Variants in FAM168A observed in about 807,000 individuals in gnomAD.
The protein encoded by FAM168A is protein FAM168A.
FAM168A carries 3 observed loss-of-function variants against 28.5 expected under a neutral mutation model. The ratio of observed to expected loss-of-function variants is 0.11; its 90% CI spans 0.05 to 0.27. The LOEUF is 0.27. FAM168A is among the 10% of genes least tolerant of loss of function. The pLI, the probability that FAM168A is intolerant of heterozygous loss-of-function variation, is 1.00. For synonymous variants in FAM168A, 122 were observed against 124.2 expected (o/e 0.98, Z 0.12); for missense variants, 222 against 311.5 (o/e 0.71, Z 2.16).
intron 1 of FAM168A, among the ~76,000 whole-genome samples, chr11:73,591,684 G>GT (rs1338696911): frequency 1.3e-5 from 2 of 152,064 alleles, no homozygotes; most frequent in Non-Finnish European, 2.9e-5. Flanking sequence ...TAATATTTTT[G>GT]TTTTTTGTAG....
At chr11:73,545,038 A>AAAATATATTATATATATATATTTT (rs1565292044) in intron 1 of FAM168A, among the ~76,000 whole-genome samples, 1 of 86,934 alleles carries the variant, frequency 1.2e-5, no homozygotes, top group African/African-American at 6.1e-5. Flanking sequence ...ATATATATAT[A>AAAATATATTATATATATATATTTT]TTTTTTGGAG....
chr11:73,518,712 A>G (rs1943336036), intron 1 of FAM168A, among the ~76,000 whole-genome samples: 1 of 152,164 alleles, frequency 6.6e-6, no homozygotes, highest in Non-Finnish European at 1.5e-5. Flanking sequence ...CCTGGCCAAC[A>G]TGGTGAAACC....
chr11:73,562,673 A>G lies in FAM168A; in HGVS notation c.-19+35250T>C, dbSNP rs142035631. Among the ~76,000 whole-genome samples the G allele has an allele frequency of 1.2e-4, 19 of 152,236 alleles. No individual in the cohort carries two copies. The East Asian group carries it at 3.1e-3, about 25-fold the overall frequency. ...GAAACCCTGTCTCTACTAAAAATAC[A>G]AAAATTAGCCGGACATGATGGTGGG... is the stretch of plus-strand genomic sequence containing the variant. On this transcript the variant is annotated intron_variant, in intron 1 of 7. Coordinates refer to ENST00000356467, the MANE Select transcript of FAM168A (RefSeq NM_015159.3).
chr11:73,551,847 T>C (rs1308333576), intron 1 of FAM168A, among the ~76,000 whole-genome samples: 1 of 152,244 alleles, frequency 6.6e-6, no homozygotes, highest in Non-Finnish European at 1.5e-5. Flanking sequence ...TTCCAGTTAT[T>C]AGGCACTTGC....
chr11:73,591,361 T>C lies in FAM168A; in HGVS notation c.-19+6562A>G, dbSNP rs553375567. On this transcript the variant is annotated intron_variant, in intron 1 of 7. Transcript: ENST00000356467. ...TCTGTAAAATGATCACAATTCCTTATACGACACAAATATGAGGATTAAATT... is the reference window on the plus strand; with the variant it reads ...TCTGTAAAATGATCACAATTCCTTACACGACACAAATATGAGGATTAAATT... 6.6e-5 allele frequency among the ~76,000 whole-genome samples: 10 copies of C among 152,210 alleles called. No individual in the cohort carries two copies. The East Asian group carries it at 1.7e-3, about 26-fold the overall frequency.
intron 4 of FAM168A, among the ~76,000 whole-genome samples, chr11:73,414,810 T>C (rs779649229): frequency 6.6e-6 from 1 of 152,258 alleles, no homozygotes; most frequent in Non-Finnish European, 1.5e-5. Flanking sequence ...CTATGACTAC[T>C]ATGGTCTGTC....
At chr11:73,578,502 A>C (rs1209497681) in intron 1 of FAM168A, among the ~76,000 whole-genome samples, 1 of 152,188 alleles carries the variant, frequency 6.6e-6, no homozygotes, top group Non-Finnish European at 1.5e-5. Flanking sequence ...ACAAACACAC[A>C]CACACAATTT....
intron 1 of FAM168A, among the ~76,000 whole-genome samples, chr11:73,590,353 T>C (rs1944366432): frequency 1.3e-5 from 2 of 152,232 alleles, no homozygotes; most frequent in Non-Finnish European, 2.9e-5. Context: ...CAGTGAGCCA[T>C]GACTGTGCCA....
intron 1 of FAM168A, among the ~76,000 whole-genome samples, chr11:73,586,612 T>C (rs1590753786): frequency 6.6e-6 from 1 of 152,118 alleles, no homozygotes; most frequent in East Asian, 1.9e-4. Flanking sequence ...GAAGATAAAA[T>C]AATGTTTAGC....
intron 2 of FAM168A, among the ~76,000 whole-genome samples, chr11:73,443,432 G>A (rs1867241569): frequency 6.6e-6 from 1 of 152,178 alleles, no homozygotes; most frequent in African/African-American, 2.4e-5. Context: ...GGCTGCCAGG[G>A]ACAAAGGCCA....
At chr11:73,494,659 G>C (rs1425734539) in intron 1 of FAM168A, among the ~76,000 whole-genome samples, 1 of 152,128 alleles carries the variant, frequency 6.6e-6, no homozygotes, top group Admixed American at 6.5e-5. Context: ...ACAATGAAGA[G>C]GTAGATTCCT....
intron 1 of FAM168A, among the ~76,000 whole-genome samples, chr11:73,502,118 A>C (rs1443894738): frequency 6.6e-6 from 1 of 151,206 alleles, no homozygotes; most frequent in Non-Finnish European, 1.5e-5. Flanking sequence ...AAAAAAAAAA[A>C]GGCTAGCAGA....
chr11:73,450,952 C>T (rs185444267), intron 2 of FAM168A, among the ~76,000 whole-genome samples: 52 of 152,302 alleles, frequency 3.4e-4, no homozygotes, highest in African/African-American at 1.2e-3. Flanking sequence ...AACTCTTAGA[C>T]CAGCTTTTTC....
At chr11:73,536,992 G>A (rs932338072) in intron 1 of FAM168A, among the ~76,000 whole-genome samples, 7 of 152,122 alleles carry the variant, frequency 4.6e-5, no homozygotes, top group African/African-American at 1.7e-4. Context: ...TTAGATTTTT[G>A]TATGAGGAAG....
At chr11:73,501,871 G>A (rs1024432788) in intron 1 of FAM168A, among the ~76,000 whole-genome samples, 2 of 152,144 alleles carry the variant, frequency 1.3e-5, no homozygotes, top group East Asian at 3.9e-4. Flanking sequence ...GGAGGCCAAG[G>A]CGGGCAGATC....
Position 73,457,723 on chromosome 11 carries a change from C to CAAAAAAAAA in FAM168A, c.70+10673_70+10681dup, listed in dbSNP as rs58142151. 2.9e-3 allele frequency among the ~76,000 whole-genome samples: 109 copies of CAAAAAAAAA among 37,546 alleles called. 1 individual carries two copies. Among genetic ancestry groups the CAAAAAAAAA allele is most frequent in the Non-Finnish European group, 6.4e-3 (82 of 12,874 alleles). The allele number at this position is 37,546 out of a possible 152,430, so 24.6% of individuals were successfully genotyped here. On this transcript the variant is annotated intron_variant, in intron 2 of 7. Coordinates refer to ENST00000356467, the MANE Select transcript of FAM168A (RefSeq NM_015159.3). ...TGCTACGGTACTCTAGCCTGGGTGA[C>CAAAAAAAAA]AAAAAAAAAAAAAAAAAAAAAAAAA...
intron 1 of FAM168A, among the ~76,000 whole-genome samples, chr11:73,492,535 G>A (rs998687872): frequency 6.6e-5 from 10 of 152,106 alleles, no homozygotes; most frequent in African/African-American, 2.2e-4. Context: ...CCAGCTACAC[G>A]GGGGGCTGAG....
At chr11:73,437,600 G>C (rs1867114963) in intron 2 of FAM168A, among the ~76,000 whole-genome samples, 1 of 151,936 alleles carries the variant, frequency 6.6e-6, no homozygotes, top group Non-Finnish European at 1.5e-5. Context: ...GGAGAGCTCT[G>C]AAGTTAGAAA....
At chr11:73,453,836 C>T (rs1319326305) in intron 2 of FAM168A, among the ~76,000 whole-genome samples, 2 of 152,198 alleles carry the variant, frequency 1.3e-5, no homozygotes, top group Non-Finnish European at 2.9e-5. Context: ...GTCAACATCC[C>T]ACTGATTTTC....
Sources: gnomAD v4.1 joint callset for allele counts (sites outside exome capture counted in the v4.1 genomes callset) on GRCh38, gnomAD v4.1.1 for gene constraint, MANE v1.5 for transcripts, NCBI Gene and HGNC (gene_info 2026-07-23, HGNC 2026-07-21) for gene names.